TTC33: variants seen among roughly 807,000 people sequenced by gnomAD.
The protein encoded by TTC33 is tetratricopeptide repeat protein 33.
In TTC33, 24 loss-of-function variants were observed where a neutral mutation model predicts 29.4. The observed-to-expected ratio is 0.82, with a 90% CI of 0.59 to 1.15. The LOEUF (loss-of-function observed/expected upper bound fraction) is 1.15, where lower values mean the gene tolerates loss of function less well. Among genes scored for constraint, TTC33 ranks in the 50% most tolerant of loss-of-function variants. TTC33 has a pLI of 0.00. For synonymous variants in TTC33, 107 were observed against 100.3 expected, an observed-to-expected ratio of 1.07 and a Z score of -0.40; for missense variants, 286 against 310.4, an observed-to-expected ratio of 0.92 and a Z score of 0.59.
At chr5:40,747,060 AT>A in intron 1 of TTC33, 41 bp from the exon 2 acceptor site, 1 of 1,538,542 alleles carries the variant, frequency 6.5e-7, no homozygotes, top group Non-Finnish European at 8.8e-7. Flanking sequence ...TTCTAACTTG[AT>A]CTTTTTTTTT....
At chr5:40,740,945 A>G (rs368451446) in intron 2 of TTC33, among the ~76,000 whole-genome samples, 4 of 152,078 alleles carry the variant, frequency 2.6e-5, no homozygotes, top group African/African-American at 9.7e-5. Context: ...TTTTTAATAT[A>G]TCTTCCATTT....
chr5:40,729,774 C>T (rs1376736697), intron 3 of TTC33, among the ~76,000 whole-genome samples: 2 of 152,208 alleles, frequency 1.3e-5, no homozygotes, highest in African/African-American at 4.8e-5. Context: ...TCTCAGCTCA[C>T]TGCAACCTCC....
At chr5:40,751,730 G>A (rs13158060) in intron 1 of TTC33, among the ~76,000 whole-genome samples, 34,624 of 152,042 alleles carry the variant, frequency 0.23, 4,096 homozygotes, top group Middle Eastern at 0.28. Flanking sequence ...GGGCCAAGGC[G>A]GAAGGATCAC....
intron 2 of TTC33, 43 bp from the exon 3 acceptor site, chr5:40,730,386 C>A: frequency 6.6e-7 from 1 of 1,518,166 alleles, no homozygotes; most frequent in Non-Finnish European, 9.0e-7. Flanking sequence ...TTTCAATATG[C>A]TTTTTTGGAC....
chr5:40,744,093 G>A (rs1030872552), intron 2 of TTC33, among the ~76,000 whole-genome samples: 1 of 152,172 alleles, frequency 6.6e-6, no homozygotes, highest in African/African-American at 2.4e-5. Flanking sequence ...GGCATTTACA[G>A]GAGTTCCTAA....
At chr5:40,723,407 G>A (rs981800279) in intron 4 of TTC33, among the ~76,000 whole-genome samples, 4 of 149,936 alleles carry the variant, frequency 2.7e-5, no homozygotes, top group South Asian at 2.1e-4. Flanking sequence ...CCCCTTCTCC[G>A]AGAAACACCC....
intron 2 of TTC33, among the ~76,000 whole-genome samples, chr5:40,740,636 C>A (rs1351435702): frequency 6.6e-6 from 1 of 152,158 alleles, no homozygotes; most frequent in Non-Finnish European, 1.5e-5. Flanking sequence ...CAATGAGGGA[C>A]AACTCTGACT....
At chr5:40,725,288 C>T (rs1440075614) in intron 4 of TTC33, among the ~76,000 whole-genome samples, 1 of 152,006 alleles carries the variant, frequency 6.6e-6, no homozygotes, top group Non-Finnish European at 1.5e-5. Flanking sequence ...TGCCCAGCCC[C>T]TCAAGTGAAA....
chr5:40,725,825 A>T (rs1409052051), intron 4 of TTC33, among the ~76,000 whole-genome samples: 1 of 131,708 alleles, frequency 7.6e-6, no homozygotes, highest in Admixed American at 8.8e-5. Context: ...TTGCTCTGTC[A>T]CCCAGGCTGG....
chr5:40,754,504 T>C (rs1373444919), intron 1 of TTC33, among the ~76,000 whole-genome samples: 1 of 151,956 alleles, frequency 6.6e-6, no homozygotes, highest in African/African-American at 2.4e-5. Context: ...AAGACTAAAA[T>C]AGTCACTGTG....
chr5:40,742,280 T>A (rs1183349096), intron 2 of TTC33, among the ~76,000 whole-genome samples: 1 of 152,110 alleles, frequency 6.6e-6, no homozygotes, highest in Admixed American at 6.6e-5. Flanking sequence ...TGAAGAAATA[T>A]ATAGCCAATC....
At chr5:40,750,457 CAGAGGCAGGAGGATCA>C (rs922888377) in intron 1 of TTC33, among the ~76,000 whole-genome samples, 32 of 152,178 alleles carry the variant, frequency 2.1e-4, no homozygotes, top group African/African-American at 7.7e-4. Flanking sequence ...ACTCAGGAGA[CAGAGGCAGGAGGATCA>C]CCTGAGCCCA....
intron 2 of TTC33, among the ~76,000 whole-genome samples, chr5:40,735,279 T>C (rs991446264): frequency 6.6e-6 from 1 of 152,060 alleles, no homozygotes; most frequent in Admixed American, 6.6e-5. Context: ...CCCAGAAGAA[T>C]AGACAGTAAG....
chr5:40,722,656 G>GT (rs1561144125), intron 4 of TTC33, among the ~76,000 whole-genome samples: 1 of 151,286 alleles, frequency 6.6e-6, no homozygotes, highest in Non-Finnish European at 1.5e-5. Flanking sequence ...GAAGTGAGGC[G>GT]TGTCTCCGCC....
Position 40,728,356 on chromosome 5 carries a change from C to T in TTC33, c.424G>A (p.Glu142Lys). Reference sequence around the variant, plus strand: ...TCTGACTTCCTCACCAGGATTATCTCTCCTAAACCAAGTTGAGCACGTCCC... The same window carrying T: ...TCTGACTTCCTCACCAGGATTATCTTTCCTAAACCAAGTTGAGCACGTCCC... ...TLGRAQLGLG[E>K]IILAIRSFQV... The change falls in exon 4 of 5, where the codon GAG becomes AAG. Residue 142 changes from glutamate to lysine, a missense_variant. Glu to Lys is a moderately conservative substitution (Grantham distance 56). Transcript: ENST00000337702. The T allele has an allele frequency of 6.3e-7, 1 of 1,599,292 alleles. No individual in the cohort carries two copies. Among genetic ancestry groups the T allele is most frequent in the Non-Finnish European group, 8.5e-7 (1 of 1,172,202 alleles).
chr5:40,719,403 A>G (rs1356167541), intron 4 of TTC33, among the ~76,000 whole-genome samples: 5 of 152,162 alleles, frequency 3.3e-5, no homozygotes, highest in Non-Finnish European at 5.9e-5. Flanking sequence ...TTAATGCTGA[A>G]TAATATTTCA....
intron 2 of TTC33, 42 bp from the exon 3 acceptor site, chr5:40,730,385 G>T: frequency 6.5e-7 from 1 of 1,539,874 alleles, no homozygotes; most frequent in Non-Finnish European, 8.9e-7. Context: ...TTTTCAATAT[G>T]CTTTTTTGGA....
rs72747957 is a variant in TTC33, at chr5:40,716,134, T to C, written c.*11A>G. ...AAAAAGACAGATTCAAATAATCCTA[T>C]GCATACTGCTTCATCGGGCTTTGAT... On this transcript the variant is annotated 3_prime_UTR_variant, in exon 5 of 5. Coordinates refer to ENST00000337702, the MANE Select transcript of TTC33 (RefSeq NM_012382.3). 38,972 of 1,578,996 alleles carry C rather than the reference T, an allele frequency of 0.025. 587 individuals are homozygous for C. Among genetic ancestry groups the C allele is most frequent in the Non-Finnish European group, 0.03 (34,923 of 1,160,776 alleles).
chr5:40,723,204 A>G (rs947707950), intron 4 of TTC33, among the ~76,000 whole-genome samples: 1 of 152,106 alleles, frequency 6.6e-6, no homozygotes, highest in Non-Finnish European at 1.5e-5. Context: ...GCGGTGCAAG[A>G]TGTGCTTTGT....
Sources: gnomAD v4.1 joint callset for allele counts (sites outside exome capture counted in the v4.1 genomes callset) on GRCh38, gnomAD v4.1.1 for gene constraint, MANE v1.5 for transcripts, NCBI Gene and HGNC (gene_info 2026-07-23, HGNC 2026-07-21) for gene names.